The following PRKN variants were observed in gnomAD, a reference collection of about 807,000 sequenced individuals.
PRKN encodes the protein parkin RBR E3 ubiquitin protein ligase.
Under a neutral mutation model 59.5 loss-of-function variants are expected in PRKN, and 56 were observed. The observed-to-expected ratio is 0.94, with a 90% CI of 0.76 to 1.18. The LOEUF (loss-of-function observed/expected upper bound fraction) is 1.18, where lower values mean the gene tolerates loss of function less well. Among genes scored for constraint, PRKN ranks in the 50% most tolerant of loss-of-function variants. The pLI is 0.00. For synonymous variants in PRKN, 250 were observed against 222.1 expected (o/e 1.13, Z -1.12); for missense variants, 657 against 596.4 (o/e 1.10, Z -1.06).
At chr6:162,440,741 C>G (rs1271916941) in intron 2 of PRKN, among the ~76,000 whole-genome samples, 5 of 152,070 alleles carry the variant, frequency 3.3e-5, no homozygotes, top group Non-Finnish European at 5.9e-5. Context: ...CATTAAGTAG[C>G]TCATATGGAA....
chr6:162,691,706 G>A (rs982049515), intron 1 of PRKN, among the ~76,000 whole-genome samples: 5 of 152,010 alleles, frequency 3.3e-5, no homozygotes, highest in African/African-American at 7.2e-5. Flanking sequence ...ACTCATGCAC[G>A]ATTCTAATAC....
intron 5 of PRKN, among the ~76,000 whole-genome samples, chr6:162,040,622 T>C (rs1784033168): frequency 6.8e-6 from 1 of 147,466 alleles, no homozygotes; most frequent in Non-Finnish European, 1.5e-5. Flanking sequence ...GGTTTCACCA[T>C]GTTGGCCAGG....
chr6:161,988,086 C>T (rs1442255079), intron 5 of PRKN, among the ~76,000 whole-genome samples: 2 of 152,210 alleles, frequency 1.3e-5, no homozygotes, highest in Non-Finnish European at 2.9e-5. Context: ...CTGTACAGCT[C>T]ATGCCCCCAC....
At chr6:162,695,045 C>G (rs1036367570) in intron 1 of PRKN, 1 of 152,314 alleles carries the variant, frequency 6.6e-6, no homozygotes, top group South Asian at 2.1e-4. Context: ...CACCTGTCAT[C>G]TGCAGCACAA....
At chr6:161,984,443 A>G (rs998130974) in intron 5 of PRKN, among the ~76,000 whole-genome samples, 1 of 151,970 alleles carries the variant, frequency 6.6e-6, no homozygotes, top group Non-Finnish European at 1.5e-5. Context: ...TTTTTAGTAG[A>G]GATGGGGTTT....
chr6:162,689,224 A>T lies in PRKN; in HGVS notation c.7+38438T>A, dbSNP rs1777679853. On this transcript the variant is annotated intron_variant, in intron 1 of 11. Coordinates refer to ENST00000366898, the MANE Select transcript of PRKN (RefSeq NM_004562.3). The stretch of plus-strand genomic sequence containing the variant: ...TCATCGGTCTTTCTTAGTTCACAAC[A>T]GGGGCATTACTCAGAGGGCATCATT... Among the ~76,000 whole-genome samples, 3 of 152,340 alleles carry T rather than the reference A, an allele frequency of 2.0e-5. No individual in the cohort carries two copies. In the South Asian group the frequency reaches 6.2e-4, roughly 32 times the overall value.
chr6:162,033,001 C>T (rs1420136339), intron 5 of PRKN, among the ~76,000 whole-genome samples: 1 of 152,198 alleles, frequency 6.6e-6, no homozygotes, highest in Non-Finnish European at 1.5e-5. Flanking sequence ...TCCTGGCTTT[C>T]CCCTAACCTG....
At chr6:162,057,868 G>A (rs189620208) in intron 4 of PRKN, among the ~76,000 whole-genome samples, 2 of 152,312 alleles carry the variant, frequency 1.3e-5, no homozygotes, top group Admixed American at 1.3e-4. Context: ...AATAGTGTGA[G>A]TAGTGTGGAT....
At chr6:162,359,539 A>G (rs1785042523) in intron 2 of PRKN, among the ~76,000 whole-genome samples, 1 of 152,020 alleles carries the variant, frequency 6.6e-6, no homozygotes, top group Non-Finnish European at 1.5e-5. Flanking sequence ...GAACAAAACC[A>G]TGAGTTAAGT....
At chr6:162,099,716 G>A (rs1335551781) in intron 4 of PRKN, among the ~76,000 whole-genome samples, 1 of 152,114 alleles carries the variant, frequency 6.6e-6, no homozygotes, top group Non-Finnish European at 1.5e-5. Flanking sequence ...ATGTGTTGTG[G>A]AACAGCTAAA....
At chr6:162,669,208 T>C (rs1779225556) in intron 1 of PRKN, among the ~76,000 whole-genome samples, 1 of 151,806 alleles carries the variant, frequency 6.6e-6, no homozygotes, top group Admixed American at 6.6e-5. Context: ...TTGTGAAACT[T>C]AAAAAGCATG....
chr6:161,504,450 T>A (rs552989869), intron 9 of PRKN, among the ~76,000 whole-genome samples: 2 of 152,162 alleles, frequency 1.3e-5, no homozygotes, highest in South Asian at 4.2e-4. Context: ...TCCCCAGACC[T>A]GTACTGACTG....
At chr6:162,098,247 A>G (rs1375826126) in intron 4 of PRKN, among the ~76,000 whole-genome samples, 1 of 152,160 alleles carries the variant, frequency 6.6e-6, no homozygotes, top group Non-Finnish European at 1.5e-5. Flanking sequence ...GCTACAGGAG[A>G]CAAATCAATG....
At chr6:162,339,904 C>A (rs1387694365) in intron 2 of PRKN, among the ~76,000 whole-genome samples, 1 of 148,916 alleles carries the variant, frequency 6.7e-6, no homozygotes. Context: ...AAGGGCGGTG[C>A]AAGATGTGCT....
At chr6:162,640,473 C>A (rs1344764299) in intron 1 of PRKN, among the ~76,000 whole-genome samples, 1 of 152,136 alleles carries the variant, frequency 6.6e-6, no homozygotes, top group Non-Finnish European at 1.5e-5. Context: ...TTTACCAAAG[C>A]ATAGTCTATT....
At chr6:161,875,004 T>G (rs1413520827) in intron 6 of PRKN, among the ~76,000 whole-genome samples, 1 of 92,366 alleles carries the variant, frequency 1.1e-5, no homozygotes, top group South Asian at 3.3e-4. Context: ...ATATAATATA[T>G]TATATATTAT....
At chr6:162,670,732 T>A (rs536415941) in intron 1 of PRKN, among the ~76,000 whole-genome samples, 3 of 152,296 alleles carry the variant, frequency 2.0e-5, no homozygotes, top group South Asian at 4.1e-4. Flanking sequence ...TCCAAGATTA[T>A]TAAAACTAAG....
intron 2 of PRKN, among the ~76,000 whole-genome samples, chr6:162,327,016 T>C (rs1357851759): frequency 6.6e-6 from 1 of 152,206 alleles, no homozygotes; most frequent in African/African-American, 2.4e-5. Context: ...ACTATTTATC[T>C]GCTATGAATA....
chr6:161,978,332 G>A (rs1314660684), intron 5 of PRKN, among the ~76,000 whole-genome samples: 2 of 152,196 alleles, frequency 1.3e-5, no homozygotes, highest in African/African-American at 2.4e-5. Context: ...TTACAGGTGT[G>A]AGCCACTGTG....
Sources: allele counts gnomAD v4.1 joint callset (sites outside exome capture counted in the v4.1 genomes callset), GRCh38; gene constraint gnomAD v4.1.1; transcripts MANE v1.5; gene names NCBI Gene and HGNC (gene_info 2026-07-23, HGNC 2026-07-21).